The following CCDC15 variants were observed in gnomAD, a reference collection of about 807,000 sequenced individuals.
CCDC15 encodes the protein coiled-coil domain containing 15, also known as coiled-coil domain-containing protein 15.
Under a neutral mutation model 114.5 loss-of-function variants are expected in CCDC15, and 105 were observed. The ratio of observed to expected loss-of-function variants is 0.92; its 90% CI spans 0.78 to 1.08. The LOEUF is 1.08. CCDC15 is among the 50% of genes least tolerant of loss of function. CCDC15 has a pLI of 0.00. For missense variants in CCDC15, 1,105 were observed against 1,093.6 expected, an observed-to-expected ratio of 1.01 and a Z score of -0.15; for synonymous variants, 334 against 377.8, an observed-to-expected ratio of 0.88 and a Z score of 1.34.
Position 125,001,530 on chromosome 11 carries a change from CA to C in CCDC15, c.2215-2333del, listed in dbSNP as rs368661266. 3.3e-4 allele frequency among the ~76,000 whole-genome samples: 51 copies of C among 152,294 alleles called. 1 individual carries two copies. In the East Asian group the frequency reaches 6.7e-3, roughly 20 times the overall value. ...ATCTGAGAACATTTTCATCACCCCC[CA>C]AAAGTCCTGTACCACGCCACTTTTC... is the stretch of plus-strand genomic sequence containing the variant. On this transcript the variant is annotated intron_variant, in intron 11 of 15. Coordinates refer to ENST00000344762, the MANE Select transcript of CCDC15 (RefSeq NM_025004.3).
rs1382986334 is a variant in CCDC15 at position 125,025,035 on chromosome 11, A to AATATATATATGAAT, written c.2412-13393_2412-13392insTATATATGAATATA. Among the ~76,000 whole-genome samples the AATATATATATGAAT allele has an allele frequency of 1.6e-4, 20 of 121,498 alleles. 1 individual carries two copies. In the East Asian group the frequency reaches 4.1e-3, roughly 25 times the overall value. 79.7% of individuals were successfully genotyped at this position (121,498 alleles called of 152,430 possible). Reference sequence around the variant, plus strand: ...GAATATATATATGAATATATATATGAATACATATGAATATATATGAATATA... The same window carrying AATATATATATGAAT: ...GAATATATATATGAATATATATATGAATATATATATGAATATACATATGAATATATATGAATATA... On this transcript the variant is annotated intron_variant, in intron 13 of 15. Transcript: ENST00000344762.
Position 124,993,157 on chromosome 11 carries a change from T to C in CCDC15, c.2140-12T>C. ...CTTAGACAATCAGTTTTGTATTTTG[T>C]TGTTCCTTTAGAACAAGCATATCAA... On this transcript the variant is annotated splice_polypyrimidine_tract_variant and intron_variant, in intron 10 of 15. Coordinates refer to ENST00000344762, the MANE Select transcript of CCDC15 (RefSeq NM_025004.3). 1.3e-6 allele frequency: 2 copies of C among 1,562,680 alleles called. No homozygotes were observed. Among genetic ancestry groups the C allele is most frequent in the Non-Finnish European group, 1.8e-6 (2 of 1,138,284 alleles).
intron 6 of CCDC15, among the ~76,000 whole-genome samples, chr11:124,978,551 G>A (rs752148239): frequency 6.6e-6 from 1 of 152,064 alleles, no homozygotes; most frequent in South Asian, 2.1e-4. Flanking sequence ...TCTGACTGGT[G>A]TGAGATGGTA....
intron 13 of CCDC15, among the ~76,000 whole-genome samples, chr11:125,012,101 A>G (rs1168715075): frequency 1.3e-5 from 2 of 152,188 alleles, no homozygotes; most frequent in Non-Finnish European, 2.9e-5. Flanking sequence ...TGAGGAAGAC[A>G]AAGGTGGGGA....
intron 4 of CCDC15, among the ~76,000 whole-genome samples, chr11:124,974,342 CA>C (rs1431811079): frequency 6.6e-6 from 1 of 152,144 alleles, no homozygotes; most frequent in Non-Finnish European, 1.5e-5. Context: ...ATATTCTTTG[CA>C]AATTTGTGAG....
Position 124,987,412 on chromosome 11 carries a change from C to T in CCDC15, c.1186C>T (p.Gln396Ter). 2.5e-6 allele frequency: 4 copies of T among 1,613,952 alleles called. No homozygotes were observed. The highest frequency in any genetic ancestry group is 3.4e-6 in the Non-Finnish European group (4 of 1,179,890). ...TETQGIMLKA[Q>*]SIELEEGSIV... ...AACTCAGGGTATTATGCTGAAAGCCCAGAGTATTGAGCTAGAAGAAGGGAG... is the reference window on the plus strand; with the variant it reads ...AACTCAGGGTATTATGCTGAAAGCCTAGAGTATTGAGCTAGAAGAAGGGAG... Residue 396 changes from glutamine (Q) to a stop codon, truncating the protein, a stop_gained, in exon 8 of 16, where the codon CAG becomes TAG. Coordinates refer to ENST00000344762, the MANE Select transcript of CCDC15 (RefSeq NM_025004.3). LOFTEE classifies it high-confidence loss of function.
rs1269684680 is a variant in CCDC15 at position 124,987,071 on chromosome 11, T to C, written c.901-56T>C. On this transcript the variant is annotated intron_variant, in intron 7 of 15. Coordinates refer to ENST00000344762, the MANE Select transcript of CCDC15 (RefSeq NM_025004.3). ...TTGATATTTCGATTATTTTGGAAAA[T>C]CTAGAGTATTGCTACTAACTCACAT... 6 of 1,418,256 alleles carry C rather than the reference T, an allele frequency of 4.2e-6. No individual in the cohort carries two copies. In the East Asian group the frequency reaches 1.5e-4, roughly 35 times the overall value. 87.9% of individuals were successfully genotyped at this position (1,418,256 alleles called of 1,614,324 possible). A position where few individuals can be genotyped will look rare whatever the true frequency, so the allele number is the denominator to read the frequency against.
chr11:124,981,507 G>A (rs12796455), intron 6 of CCDC15, among the ~76,000 whole-genome samples: 1 of 151,958 alleles, frequency 6.6e-6, no homozygotes, highest in Admixed American at 6.6e-5. Flanking sequence ...ACCACACCTG[G>A]CTAATTTTTG....
intron 12 of CCDC15, 134 bp downstream of exon 12, chr11:125,004,093 G>A (rs1948522183): frequency 2.2e-6 from 1 of 463,846 alleles, no homozygotes; most frequent in Non-Finnish European, 3.7e-6. Context: ...TCAAATAAAA[G>A]TTGCTTGACT....
At chr11:125,033,598 A>C (rs1948756173) in intron 13 of CCDC15, among the ~76,000 whole-genome samples, 1 of 152,254 alleles carries the variant, frequency 6.6e-6, no homozygotes, top group Admixed American at 6.5e-5. Flanking sequence ...AGCTGGAATG[A>C]GAAGGTCTAA....
At chr11:124,983,200 A>C (rs559814565) in intron 6 of CCDC15, among the ~76,000 whole-genome samples, 53 of 152,234 alleles carry the variant, frequency 3.5e-4, no homozygotes, top group African/African-American at 1.3e-3. Flanking sequence ...TTTTATTGTA[A>C]TACTTAGATT....
At chr11:124,968,851 C>T (rs1947831976) in intron 4 of CCDC15, among the ~76,000 whole-genome samples, 1 of 152,190 alleles carries the variant, frequency 6.6e-6, no homozygotes, top group Admixed American at 6.5e-5. Context: ...TGCCACAACA[C>T]CTCCACTATT....
chr11:124,971,576 G>A (rs1422842422), intron 4 of CCDC15, among the ~76,000 whole-genome samples: 1 of 152,118 alleles, frequency 6.6e-6, no homozygotes, highest in South Asian at 2.1e-4. Context: ...AACCAAAAAT[G>A]CATTTATATG....
chr11:125,028,195 A>G (rs1274306621), intron 13 of CCDC15, among the ~76,000 whole-genome samples: 1 of 152,174 alleles, frequency 6.6e-6, no homozygotes, highest in Non-Finnish European at 1.5e-5. Context: ...GGATAATGTG[A>G]TGCCTCCAGG....
intron 11 of CCDC15, among the ~76,000 whole-genome samples, chr11:124,997,426 A>C (rs2135503203): frequency 6.6e-6 from 1 of 152,254 alleles, no homozygotes; most frequent in South Asian, 2.1e-4. Flanking sequence ...AGTAGCTAGG[A>C]CTAGAGGTTG....
intron 11 of CCDC15, among the ~76,000 whole-genome samples, chr11:124,994,033 A>G (rs1268468906): frequency 6.6e-6 from 1 of 152,238 alleles, no homozygotes; most frequent in East Asian, 1.9e-4. Flanking sequence ...ATGCCATAAT[A>G]TATCAGACTA....
intron 11 of CCDC15, among the ~76,000 whole-genome samples, chr11:124,998,377 G>T (rs1948411152): frequency 6.6e-6 from 1 of 152,140 alleles, no homozygotes; most frequent in African/African-American, 2.4e-5. Context: ...TCTTCAGGCA[G>T]GAAGGTAAAT....
rs1948195831 is a variant in CCDC15 at position 124,987,687 on chromosome 11, C to T, written c.1461C>T (p.Leu487=). Reference sequence around the variant, plus strand: ...TTTTATCTAGAGACCAGCATGTTCTCCCCAAAGACCAAGATATTCTGCCAA... The same window carrying T: ...TTTTATCTAGAGACCAGCATGTTCTTCCCAAAGACCAAGATATTCTGCCAA... ...QNFLSRDQHV[L]PKDQDILPKY... Residue 487 remains leucine, a synonymous_variant, in exon 8 of 16, where the codon CTC becomes CTT. Coordinates refer to ENST00000344762, the MANE Select transcript of CCDC15 (RefSeq NM_025004.3). The T allele has an allele frequency of 3.1e-6, 5 of 1,613,804 alleles. No homozygotes were observed. The highest frequency in any genetic ancestry group is 4.2e-6 in the Non-Finnish European group (5 of 1,179,824).
intron 4 of CCDC15, among the ~76,000 whole-genome samples, chr11:124,963,211 C>T (rs1425302727): frequency 2.0e-5 from 3 of 152,170 alleles, no homozygotes; most frequent in Non-Finnish European, 4.4e-5. Flanking sequence ...CTTGAGGAAT[C>T]GCCACACTGT....
Sources: allele counts gnomAD v4.1 joint callset (sites outside exome capture counted in the v4.1 genomes callset), GRCh38; gene constraint gnomAD v4.1.1; transcripts MANE v1.5; gene names NCBI Gene and HGNC (gene_info 2026-07-23, HGNC 2026-07-21).